Variants in GRIP1 observed in about 807,000 individuals in gnomAD.
GRIP1 encodes the protein glutamate receptor interacting protein 1, also known as glutamate receptor-interacting protein 1.
In GRIP1, 45 loss-of-function variants were observed where a neutral mutation model predicts 129.9. The ratio of observed to expected loss-of-function variants is 0.35; its 90% CI spans 0.27 to 0.44. The LOEUF (loss-of-function observed/expected upper bound fraction) is 0.44. Ranked by LOEUF, GRIP1 falls within the 20% of genes least tolerant of loss-of-function variation. The pLI, the probability that GRIP1 is intolerant of heterozygous loss-of-function variation, is 1.00. For synonymous variants in GRIP1, 530 were observed against 520.8 expected (o/e 1.02, Z -0.24); for missense variants, 1,196 against 1,396.8 (o/e 0.86, Z 2.29).
At chr12:66,495,318 C>T (rs188216077) in intron 7 of GRIP1, among the ~76,000 whole-genome samples, 4 of 152,208 alleles carry the variant, frequency 2.6e-5, no homozygotes, top group East Asian at 3.9e-4. Context: ...AAGAGAAGGG[C>T]GAGCAGGAGG....
At chr12:66,564,185 G>A (rs1200755420) in intron 2 of GRIP1, 1 of 152,056 alleles carries the variant, frequency 6.6e-6, no homozygotes, top group Non-Finnish European at 1.5e-5. Context: ...GTGCAGGTTT[G>A]TTACATATGT....
At chr12:66,932,120 T>C (rs1478179281) in intron 1 of GRIP1, among the ~76,000 whole-genome samples, 1 of 152,096 alleles carries the variant, frequency 6.6e-6, no homozygotes, top group Non-Finnish European at 1.5e-5. Flanking sequence ...CCCAGCAATA[T>C]TAAATAAATA....
chr12:66,753,583 C>T (rs1280263477), intron 1 of GRIP1, among the ~76,000 whole-genome samples: 1 of 152,156 alleles, frequency 6.6e-6, no homozygotes, highest in Admixed American at 6.5e-5. Flanking sequence ...TAACCAATAT[C>T]TTCATTTATC....
intron 2 of GRIP1, among the ~76,000 whole-genome samples, chr12:66,581,685 C>G (rs1276981056): frequency 6.6e-6 from 1 of 152,108 alleles, no homozygotes; most frequent in South Asian, 2.1e-4. Context: ...GATACATACA[C>G]TCTCCCAAGA....
chr12:66,361,508 G>A (rs2054765708), intron 23 of GRIP1, among the ~76,000 whole-genome samples: 1 of 152,150 alleles, frequency 6.6e-6, no homozygotes, highest in Admixed American at 6.5e-5. Flanking sequence ...CACATCTACT[G>A]GTTCACATAG....
At chr12:66,697,371 G>A (rs2136336712) in intron 1 of GRIP1, among the ~76,000 whole-genome samples, 1 of 152,314 alleles carries the variant, frequency 6.6e-6, no homozygotes, top group East Asian at 1.9e-4. Flanking sequence ...CTTCCTTAGA[G>A]AGAGCCACTA....
intron 1 of GRIP1, among the ~76,000 whole-genome samples, chr12:66,890,428 T>C (rs1212349955): frequency 6.6e-6 from 1 of 152,214 alleles, no homozygotes; most frequent in African/African-American, 2.4e-5. Flanking sequence ...ATTTTAACTA[T>C]AATTTAGGTT....
chr12:66,541,961 A>T lies in GRIP1; in HGVS notation c.137-11T>A. On this transcript the variant is annotated splice_polypyrimidine_tract_variant and intron_variant, in intron 2 of 24. Coordinates refer to ENST00000359742, the MANE Select transcript of GRIP1 (RefSeq NM_001366722.1). ...AGCCCTTGAATTCCTCTGTTAAAAGAAAAGCATTTGCCTTATTAAAATGAG... is the reference window on the plus strand; with the variant it reads ...AGCCCTTGAATTCCTCTGTTAAAAGTAAAGCATTTGCCTTATTAAAATGAG... The T allele has an allele frequency of 6.2e-7, 1 of 1,613,270 alleles. No individual in the cohort carries two copies. Among genetic ancestry groups the T allele is most frequent in the Non-Finnish European group, 8.5e-7 (1 of 1,179,226 alleles).
At chr12:67,009,385 C>T (rs1309262125) in intron 1 of GRIP1, among the ~76,000 whole-genome samples, 1 of 152,158 alleles carries the variant, frequency 6.6e-6, no homozygotes, top group East Asian at 1.9e-4. Context: ...GCATTCAACT[C>T]ATCTGAAGGC....
intron 1 of GRIP1, among the ~76,000 whole-genome samples, chr12:66,925,456 G>A (rs567916094): frequency 5.9e-5 from 9 of 152,172 alleles, no homozygotes; most frequent in Non-Finnish European, 1.3e-4. Context: ...CACAAATGTA[G>A]TTCTCATTTG....
intron 5 of GRIP1, among the ~76,000 whole-genome samples, chr12:66,527,344 C>A (rs1236342521): frequency 6.6e-6 from 1 of 151,866 alleles, no homozygotes; most frequent in African/African-American, 2.4e-5. Flanking sequence ...TACTATGCAG[C>A]CATAAAAAAT....
chr12:66,411,248 T>G (rs574837338), intron 15 of GRIP1, among the ~76,000 whole-genome samples: 53 of 152,212 alleles, frequency 3.5e-4, no homozygotes, highest in African/African-American at 1.3e-3. Context: ...ATCAGGTCAG[T>G]GCCCCTCTGG....
At chr12:66,390,967 A>G (rs986757076) in intron 19 of GRIP1, among the ~76,000 whole-genome samples, 3 of 152,228 alleles carry the variant, frequency 2.0e-5, no homozygotes, top group African/African-American at 7.2e-5. Flanking sequence ...CTCCAGTATC[A>G]TCTCTAATGA....
chr12:66,988,264 G>A (rs1056284070), intron 1 of GRIP1, among the ~76,000 whole-genome samples: 6 of 152,122 alleles, frequency 3.9e-5, no homozygotes, highest in East Asian at 1.9e-4. Context: ...CCTGGGTGAT[G>A]GGAGTGAAAC....
chr12:66,351,843 C>T (rs754163970), intron 24 of GRIP1, among the ~76,000 whole-genome samples: 4 of 152,018 alleles, frequency 2.6e-5, no homozygotes, highest in Middle Eastern at 3.2e-3. Flanking sequence ...ACACCGATGC[C>T]GTATCTGTCT....
At chr12:66,509,085 TA>T (rs2060620719) in intron 7 of GRIP1, among the ~76,000 whole-genome samples, 1 of 152,190 alleles carries the variant, frequency 6.6e-6, no homozygotes, top group Non-Finnish European at 1.5e-5. Flanking sequence ...AGCAAAGGTC[TA>T]AGCAAAATAA....
In GRIP1 at chr12:66,434,627, G is replaced by A. The variant is rs540254969; in HGVS notation, c.1688-1999C>T. Among the ~76,000 whole-genome samples the A allele has an allele frequency of 2.6e-5, 4 of 152,334 alleles. No individual in the cohort carries two copies. In the South Asian group the frequency reaches 8.3e-4, roughly 32 times the overall value. The stretch of plus-strand genomic sequence containing the variant: ...CTTCCTGACTTCAGGAGCTGCAAAT[G>A]TCATAAATATTTCCTTACAAAATAT... On this transcript the variant is annotated intron_variant, in intron 13 of 24. Transcript: ENST00000359742.
chr12:66,761,339 C>A (rs11176414), intron 1 of GRIP1, among the ~76,000 whole-genome samples: 11,685 of 152,192 alleles, frequency 0.077, 599 homozygotes, highest in Middle Eastern at 0.18. Flanking sequence ...GCCATGTCCT[C>A]CAGCCAGAGC....
At chr12:66,554,391 A>G (rs1387692677) in intron 2 of GRIP1, among the ~76,000 whole-genome samples, 1 of 152,176 alleles carries the variant, frequency 6.6e-6, no homozygotes, top group East Asian at 1.9e-4. Flanking sequence ...CAGCAGTGGT[A>G]GCCAGGTGTA....
Sources: gnomAD v4.1 joint callset for allele counts (sites outside exome capture counted in the v4.1 genomes callset) on GRCh38, gnomAD v4.1.1 for gene constraint, MANE v1.5 for transcripts, NCBI Gene and HGNC (gene_info 2026-07-23, HGNC 2026-07-21) for gene names.